The following CHEK2 variants were observed in gnomAD, a reference collection of about 807,000 sequenced individuals.
The protein encoded by CHEK2 is checkpoint kinase 2.
A neutral mutation model predicts 69.1 loss-of-function variants in CHEK2; 71 were observed. That is an observed-to-expected ratio of 1.03 (90% CI 0.85 to 1.25). The LOEUF is 1.25. Among genes scored for constraint, CHEK2 ranks in the 50% most tolerant of loss-of-function variants. The pLI is 0.00. For missense variants in CHEK2, 664 were observed against 649.6 expected (o/e 1.02, Z -0.24); for synonymous variants, 189 against 226.9 (o/e 0.83, Z 1.50).
At chr22:28,706,632 A>G (rs1486586364) in intron 7 of CHEK2, among the ~76,000 whole-genome samples, 1 of 151,910 alleles carries the variant, frequency 6.6e-6, no homozygotes, top group Non-Finnish European at 1.5e-5. Context: ...TTTAAAGGAG[A>G]ATAAAGCCAG....
chr22:28,718,111 C>T (rs900303212), intron 5 of CHEK2, among the ~76,000 whole-genome samples: 2 of 152,026 alleles, frequency 1.3e-5, no homozygotes, highest in African/African-American at 2.4e-5. Flanking sequence ...CAATAAAATT[C>T]GTGAGGCGAA....
At chr22:28,730,357 G>C in intron 2 of CHEK2, 1 of 500,544 alleles carries the variant, frequency 2.0e-6, no homozygotes, top group Non-Finnish European at 3.6e-6. Flanking sequence ...AAGGGGAAAG[G>C]GGAAAGGAAA....
At chr22:28,719,071 A>C (rs2146001294) in intron 5 of CHEK2, among the ~76,000 whole-genome samples, 1 of 152,086 alleles carries the variant, frequency 6.6e-6, no homozygotes, top group East Asian at 1.9e-4. Flanking sequence ...TAAAAAACAA[A>C]AACACACATT....
chr22:28,730,262 G>GAAA, intron 2 of CHEK2, among the ~76,000 whole-genome samples: 1 of 136,708 alleles, frequency 7.3e-6, no homozygotes, highest in Non-Finnish European at 1.6e-5. Flanking sequence ...AGGAGGGGAG[G>GAAA]GGAGGAAAGG....
At chr22:28,734,317 C>A in intron 2 of CHEK2, 86 bp downstream of exon 2, 1 of 1,342,936 alleles carries the variant, frequency 7.4e-7, no homozygotes, top group South Asian at 1.2e-5. Flanking sequence ...CTGGACAACT[C>A]CAATCAGAAC....
At chr22:28,734,353 G>C (rs771904258) in intron 2 of CHEK2, 50 bp downstream of exon 2, 14 of 1,571,920 alleles carry the variant, frequency 8.9e-6, no homozygotes, top group Non-Finnish European at 1.2e-5. Flanking sequence ...ACAACTTTCT[G>C]TAAGTGTTTT....
intron 9 of CHEK2, among the ~76,000 whole-genome samples, chr22:28,699,397 C>T (rs150628443): frequency 0.011 from 1,201 of 112,570 alleles, 21 homozygotes; most frequent in African/African-American, 0.038. Flanking sequence ...GATGGAGTCT[C>T]ACTCTGTCCC....
At position 28,710,102 on chromosome 22, in the gene CHEK2, G is replaced by A. The variant is rs1489796605; in HGVS notation, c.793-43C>T. The A allele has an allele frequency of 6.9e-6, 9 of 1,313,660 alleles. No individual in the cohort carries two copies. In the East Asian group the frequency reaches 1.9e-4, roughly 27 times the overall value. The allele number at this position is 1,313,660 out of a possible 1,614,324, so 81.4% of individuals were successfully genotyped here. ...ACAGAGTTTATTAGTAATAATAATTGCCAATATTTAAAAAAACATTTACAG... is the reference window on the plus strand; with the variant it reads ...ACAGAGTTTATTAGTAATAATAATTACCAATATTTAAAAAAACATTTACAG... On this transcript the variant is annotated intron_variant, in intron 6 of 14. Coordinates refer to ENST00000404276, the MANE Select transcript of CHEK2 (RefSeq NM_007194.4).
chr22:28,713,525 C>T (rs906788068), intron 5 of CHEK2, among the ~76,000 whole-genome samples: 1 of 151,550 alleles, frequency 6.6e-6, no homozygotes, highest in Admixed American at 6.6e-5. Context: ...CCCGGCTAAT[C>T]TTTTTGTATT....
intron 8 of CHEK2, 31 bp from the exon 9 acceptor site, chr22:28,699,968 T>C (rs762073761): frequency 5.3e-6 from 8 of 1,507,648 alleles, no homozygotes; most frequent in Admixed American, 5.2e-5. Flanking sequence ...AAGGGGTTCA[T>C]TCCTGGGGGA....
chr22:28,720,764 A>C, intron 4 of CHEK2, among the ~76,000 whole-genome samples: 1 of 152,206 alleles, frequency 6.6e-6, no homozygotes, highest in African/African-American at 2.4e-5. Context: ...CTATGCTTGT[A>C]GCTATTCATA....
intron 5 of CHEK2, among the ~76,000 whole-genome samples, chr22:28,713,092 C>G (rs1287554832): frequency 6.6e-6 from 1 of 152,300 alleles, no homozygotes; most frequent in East Asian, 1.9e-4. Flanking sequence ...CAATATGTAG[C>G]CTTTCGTGTC....
intron 5 of CHEK2, among the ~76,000 whole-genome samples, chr22:28,713,415 A>G (rs2041003144): frequency 6.7e-6 from 1 of 150,062 alleles, no homozygotes; most frequent in African/African-American, 2.5e-5. Flanking sequence ...GCTGGAGTGC[A>G]GTGGCGTGAT....
chr22:28,740,581 G>A (rs148120130), intron 1 of CHEK2, among the ~76,000 whole-genome samples: 34 of 152,184 alleles, frequency 2.2e-4, no homozygotes, highest in Middle Eastern at 3.4e-3. Flanking sequence ...TATTGTGTAC[G>A]GTTTACAATA....
chr22:28,722,395 C>CCGGGCGCAGTGG (rs1358179541), intron 4 of CHEK2, among the ~76,000 whole-genome samples: 3 of 151,888 alleles, frequency 2.0e-5, no homozygotes, highest in African/African-American at 7.2e-5. Context: ...AAAAAATTAG[C>CCGGGCGCAGTGG]CGGGCGCAGT....
Position 28,719,560 on chromosome 22 carries a change from C to A in CHEK2, c.593-75G>T, listed in dbSNP as rs191754255. ...GCGATCACTGATTCTAAAATTTATT[C>A]ATCATATGGAATATAAGAACTGTTT... On this transcript the variant is annotated intron_variant, in intron 4 of 14. Coordinates refer to ENST00000404276, the MANE Select transcript of CHEK2 (RefSeq NM_007194.4). 4.7e-4 allele frequency: 390 copies of A among 838,034 alleles called. 3 individuals carry two copies. In the East Asian group the frequency reaches 7.0e-3, roughly 15 times the overall value. The allele number at this position is 838,034 out of a possible 1,614,324, so 51.9% of individuals were successfully genotyped here.
chr22:28,691,278 G>A (rs1175579676), intron 13 of CHEK2, among the ~76,000 whole-genome samples: 1 of 152,092 alleles, frequency 6.6e-6, no homozygotes, highest in African/African-American at 2.4e-5. Context: ...TCAGGAGTTC[G>A]AGACCAGTCT....
At chr22:28,736,101 G>T (rs1222341395) in intron 1 of CHEK2, among the ~76,000 whole-genome samples, 1 of 152,068 alleles carries the variant, frequency 6.6e-6, no homozygotes, top group Admixed American at 6.6e-5. Context: ...TTCTGAGCAT[G>T]TTTAAAGGAG....
At chr22:28,736,525 T>C (rs2054410317) in intron 1 of CHEK2, among the ~76,000 whole-genome samples, 1 of 152,244 alleles carries the variant, frequency 6.6e-6, no homozygotes, top group African/African-American at 2.4e-5. Context: ...GGCTTATCTT[T>C]TCAGCATCCT....
Sources: gnomAD v4.1 joint callset for allele counts (sites outside exome capture counted in the v4.1 genomes callset) on GRCh38, gnomAD v4.1.1 for gene constraint, MANE v1.5 for transcripts, NCBI Gene and HGNC (gene_info 2026-07-23, HGNC 2026-07-21) for gene names.